The following AHCYL1 variants were observed in gnomAD, a reference collection of about 807,000 sequenced individuals.
The protein encoded by AHCYL1 is S-adenosylhomocysteine hydrolase-like protein 1.
In AHCYL1, 20 loss-of-function variants were observed where a neutral mutation model predicts 79.3. The ratio of observed to expected loss-of-function variants is 0.25; its 90% CI spans 0.18 to 0.37. AHCYL1 has a LOEUF of 0.37. Among genes scored for constraint, AHCYL1 ranks in the 10% least tolerant of loss-of-function variants. The pLI is 1.00. For missense variants in AHCYL1, 330 were observed against 673.6 expected (o/e 0.49, Z 5.65); for synonymous variants, 223 against 242.2 (o/e 0.92, Z 0.74).
At chr1:110,016,115 T>C (rs1651402807) in intron 7 of AHCYL1, among the ~76,000 whole-genome samples, 1 of 152,022 alleles carries the variant, frequency 6.6e-6, no homozygotes, top group African/African-American at 2.4e-5. Context: ...ATTTCTTCAA[T>C]TGAAAGGCTT....
At chr1:109,995,286 A>G (rs532236717) in intron 1 of AHCYL1, among the ~76,000 whole-genome samples, 1 of 152,280 alleles carries the variant, frequency 6.6e-6, no homozygotes, top group South Asian at 2.1e-4. Flanking sequence ...TTTGGGGAGC[A>G]GGGGGTTCAT....
intron 8 of AHCYL1, 44 bp downstream of exon 8, chr1:110,016,504 CT>C (rs1449048190): frequency 6.4e-7 from 1 of 1,574,066 alleles, no homozygotes. Flanking sequence ...GGGCTCTGGT[CT>C]TCCTTTGGCT....
intron 1 of AHCYL1, chr1:110,004,315 G>A: frequency 1.0e-6 from 1 of 985,442 alleles, no homozygotes. Context: ...AGACAGGGAA[G>A]GAGAGCCGGG....
intron 1 of AHCYL1, 85 bp from the exon 2 acceptor site, chr1:110,008,949 G>A (rs1359124453): frequency 9.5e-7 from 1 of 1,055,430 alleles, no homozygotes; most frequent in Admixed American, 2.2e-5. Context: ...ATGGCTTTTA[G>A]GGAAAGACAA....
chr1:110,018,153 CAT>C (rs1416113934), intron 11 of AHCYL1, 137 bp downstream of exon 11: 10 of 1,078,168 alleles, frequency 9.3e-6, no homozygotes, highest in Non-Finnish European at 1.3e-5. Flanking sequence ...AGAACCTTAA[CAT>C]GTTTTCCAGA....
At chr1:110,000,336 C>T (rs760776493) in intron 1 of AHCYL1, among the ~76,000 whole-genome samples, 1 of 152,158 alleles carries the variant, frequency 6.6e-6, no homozygotes, top group African/African-American at 2.4e-5. Context: ...CATACATTCT[C>T]CTCCTTACTC....
chr1:110,019,736 T>C (rs2101745674), intron 15 of AHCYL1, 110 bp downstream of exon 15: 2 of 1,064,366 alleles, frequency 1.9e-6, no homozygotes, highest in Middle Eastern at 4.6e-4. Context: ...GTTCCTGTGC[T>C]TACTGGTTGT....
At chr1:110,005,631 G>A (rs1650599653) in intron 1 of AHCYL1, among the ~76,000 whole-genome samples, 1 of 152,158 alleles carries the variant, frequency 6.6e-6, no homozygotes. Flanking sequence ...TCTGGTGGCT[G>A]TTAATTCTTT....
intron 1 of AHCYL1, among the ~76,000 whole-genome samples, chr1:110,005,448 G>T (rs1650586160): frequency 1.3e-5 from 2 of 152,204 alleles, no homozygotes; most frequent in Non-Finnish European, 2.9e-5. Context: ...TTACTATACT[G>T]TGGGTCAAAA....
intron 5 of AHCYL1, among the ~76,000 whole-genome samples, chr1:110,013,813 T>C (rs564190554): frequency 3.3e-5 from 5 of 151,254 alleles, no homozygotes; most frequent in African/African-American, 9.7e-5. Context: ...TTTTTTTTTT[T>C]TTCTTAAGAT....
chr1:109,986,665 C>T (rs1649484948), intron 1 of AHCYL1, among the ~76,000 whole-genome samples: 1 of 152,228 alleles, frequency 6.6e-6, no homozygotes, highest in Admixed American at 6.5e-5. Context: ...CAGACTCTGT[C>T]TTCTTTGCTG....
At chr1:110,011,154 C>T in intron 2 of AHCYL1, 60 bp from the exon 3 acceptor site, 4 of 1,599,332 alleles carry the variant, frequency 2.5e-6, no homozygotes, top group Non-Finnish European at 3.4e-6. Flanking sequence ...GGACTGCACT[C>T]TGTAGAGTTG....
intron 1 of AHCYL1, among the ~76,000 whole-genome samples, chr1:109,990,241 T>G (rs778553478): frequency 6.6e-6 from 1 of 152,236 alleles, no homozygotes. Flanking sequence ...ATTCAACAAG[T>G]GACGTCCTTT....
intron 1 of AHCYL1, among the ~76,000 whole-genome samples, chr1:110,006,394 A>G (rs1446241095): frequency 1.3e-5 from 2 of 152,204 alleles, no homozygotes; most frequent in African/African-American, 2.4e-5. Flanking sequence ...CACAGTAATT[A>G]AGACTTAATG....
chr1:110,019,592 C>A lies in AHCYL1; in HGVS notation c.1431C>A (p.Tyr477Ter). Residue 477 changes from tyrosine to a stop codon, truncating the protein, a stop_gained, in exon 15 of 17, where the codon TAC (tyrosine) becomes TAA (stop). Transcript: ENST00000369799. LOFTEE classifies it high-confidence loss of function. ...IELYNAPEGR[Y>*]KQDVYLLPKK... is the part of the protein sequence containing the mutation. ...TCTATAATGCACCCGAGGGGCGATA[C>A]AAGCAGGATGTGTACTTGCTTCCTA... 6.2e-7 allele frequency: 1 copy of A among 1,613,496 alleles called. No homozygotes were observed. Among genetic ancestry groups the A allele is most frequent in the Non-Finnish European group, 8.5e-7 (1 of 1,179,898 alleles).
intron 9 of AHCYL1, 25 bp downstream of exon 9, chr1:110,016,755 C>G (rs746383352): frequency 1.9e-6 from 3 of 1,613,542 alleles, no homozygotes; most frequent in Non-Finnish European, 2.5e-6. Flanking sequence ...CTCAGTGTCT[C>G]TTTCTTTTTG....
In AHCYL1 at chr1:109,988,424, T is replaced by C. The variant is rs921885344; in HGVS notation, c.120+3252T>C. On this transcript the variant is annotated intron_variant, in intron 1 of 16. Coordinates refer to ENST00000369799, the MANE Select transcript of AHCYL1 (RefSeq NM_006621.7). ...GATCCTTGTTTAATGTTGGCAGTTA[T>C]CGGTCAAACCAAGTAAGTAATCTAG... is the stretch of plus-strand genomic sequence containing the variant. Among the ~76,000 whole-genome samples, 5 of 152,226 alleles carry C rather than the reference T, an allele frequency of 3.3e-5. No individual in the cohort carries two copies. The East Asian group carries it at 7.7e-4, about 23-fold the overall frequency.
chr1:109,996,865 C>T (rs115293459), intron 1 of AHCYL1, among the ~76,000 whole-genome samples: 1 of 152,166 alleles, frequency 6.6e-6, no homozygotes, highest in Non-Finnish European at 1.5e-5. Flanking sequence ...TGGCAGCCTG[C>T]AACCCATCCA....
chr1:109,993,859 T>C (rs952107247), intron 1 of AHCYL1, among the ~76,000 whole-genome samples: 9 of 152,258 alleles, frequency 5.9e-5, no homozygotes, highest in Non-Finnish European at 2.9e-5. Context: ...TACATGCTCT[T>C]GATTTAAAGA....
Sources: allele counts gnomAD v4.1 joint callset (sites outside exome capture counted in the v4.1 genomes callset), GRCh38; gene constraint gnomAD v4.1.1; transcripts MANE v1.5; gene names NCBI Gene and HGNC (gene_info 2026-07-23, HGNC 2026-07-21).